Variants in PKIB observed in about 807,000 individuals in gnomAD.
PKIB encodes the protein PKI-beta.
In PKIB, 2 loss-of-function variants were observed where a neutral mutation model predicts 4.5. The ratio of observed to expected loss-of-function variants is 0.44; its 90% CI spans 0.18 to 1.39. The LOEUF (loss-of-function observed/expected upper bound fraction) is 1.39. PKIB is among the 40% of genes most tolerant of loss of function. The pLI, the probability that PKIB is intolerant of heterozygous loss-of-function variation, is 0.27. For synonymous variants in PKIB, 38 were observed against 36.0 expected (o/e 1.06, Z -0.20); for missense variants, 94 against 92.6 (o/e 1.02, Z -0.06).
chr6:122,504,586 G>A (rs1273621786), intron 2 of PKIB, among the ~76,000 whole-genome samples: 1 of 152,134 alleles, frequency 6.6e-6, no homozygotes, highest in Non-Finnish European at 1.5e-5. Context: ...ATCCCTGGAT[G>A]CTCAGAGATA....
chr6:122,725,464 T>A lies in PKIB; in HGVS notation c.*269T>A. 3.1e-6 allele frequency: 1 copy of A among 321,886 alleles called. No homozygotes were observed. Among genetic ancestry groups the A allele is most frequent in the Non-Finnish European group, 5.7e-6 (1 of 174,308 alleles). 19.9% of individuals were successfully genotyped at this position (321,886 alleles called of 1,614,324 possible). A position where few individuals can be genotyped will look rare whatever the true frequency, so the allele number is the denominator to read the frequency against. Reference sequence around the variant, plus strand: ...GATCACAGAAATGCATACCACTGTCTGTAAACCCAACAAAATTCACTGTTC... The same window carrying A: ...GATCACAGAAATGCATACCACTGTCAGTAAACCCAACAAAATTCACTGTTC... On this transcript the variant is annotated 3_prime_UTR_variant, in exon 5 of 5. Coordinates refer to ENST00000368452, the MANE Select transcript of PKIB (RefSeq NM_181795.3).
chr6:122,604,166 A>G (rs1774457781), intron 3 of PKIB, among the ~76,000 whole-genome samples: 1 of 152,198 alleles, frequency 6.6e-6, no homozygotes, highest in Non-Finnish European at 1.5e-5. Context: ...AGAAAATACC[A>G]ATTTTGGAAT....
intron 1 of PKIB, among the ~76,000 whole-genome samples, chr6:122,619,154 T>G (rs933809572): frequency 4.4e-4 from 40 of 91,242 alleles, no homozygotes; most frequent in African/African-American, 1.3e-3. Context: ...TTACAAATTT[T>G]AAATGTTTTC....
chr6:122,543,217 C>T (rs902220482), intron 2 of PKIB, among the ~76,000 whole-genome samples: 42 of 152,040 alleles, frequency 2.8e-4, no homozygotes, highest in African/African-American at 9.9e-4. Flanking sequence ...TGTGCTGCAC[C>T]CACTGTCTGG....
Position 122,553,481 on chromosome 6 carries a change from C to CTTTTTTTTTTTTTTTTTTTTTTTTTTTT in PKIB, c.-247-32418_-247-32417insTTTTTTTTTTTTTTTTTTTTTTTTTTTT, listed in dbSNP as rs533553939. Among the ~76,000 whole-genome samples, 11 of 65,818 alleles carry CTTTTTTTTTTTTTTTTTTTTTTTTTTTT rather than the reference C, an allele frequency of 1.7e-4. 3 individuals are homozygous for CTTTTTTTTTTTTTTTTTTTTTTTTTTTT. The highest frequency in any genetic ancestry group is 1.8e-4 in the African/African-American group (3 of 16,954). The allele number at this position is 65,818 out of a possible 152,430, so 43.2% of individuals were successfully genotyped here. A position where few individuals can be genotyped will look rare whatever the true frequency, so the allele number is the denominator to read the frequency against. On this transcript the variant is annotated intron_variant, in intron 2 of 6. Transcript: ENST00000392491. ...TCTCTCAAGATTGCTCAAATATCTT[C>CTTTTTTTTTTTTTTTTTTTTTTTTTTTT]TTTTTTTTTTTTTTTTTTTTTTCTG...
intron 3 of PKIB, chr6:122,701,530 G>A: frequency 6.3e-7 from 1 of 1,588,686 alleles, no homozygotes. Context: ...TCTTCTTGGG[G>A]ACAAGAGCAT....
At chr6:122,576,710 A>ATTTTTTT (rs761840714) in intron 2 of PKIB, among the ~76,000 whole-genome samples, 81 of 109,950 alleles carry the variant, frequency 7.4e-4, no homozygotes, top group Middle Eastern at 4.6e-3. Context: ...ATATATATAT[A>ATTTTTTT]TTTTCTTTTG....
chr6:122,647,004 A>C (rs77637013), intron 2 of PKIB, among the ~76,000 whole-genome samples: 3,214 of 152,192 alleles, frequency 0.021, 102 homozygotes, highest in African/African-American at 0.075. Flanking sequence ...ATGCCCTCAC[A>C]ATCTATATGC....
At chr6:122,674,760 T>C (rs1777605283) in intron 2 of PKIB, among the ~76,000 whole-genome samples, 1 of 152,218 alleles carries the variant, frequency 6.6e-6, no homozygotes, top group Non-Finnish European at 1.5e-5. Context: ...ATATTTCCTG[T>C]AATGATCAGT....
At chr6:122,505,780 CAG>C (rs1776378006) in intron 2 of PKIB, among the ~76,000 whole-genome samples, 1 of 151,958 alleles carries the variant, frequency 6.6e-6, no homozygotes. Flanking sequence ...ATGTAGAAAT[CAG>C]AAGTATTTTA....
intron 2 of PKIB, among the ~76,000 whole-genome samples, chr6:122,559,834 T>C (rs1234220845): frequency 2.6e-5 from 4 of 152,184 alleles, no homozygotes. Flanking sequence ...TTGATTTGAT[T>C]CTCCATTTGG....
At position 122,544,230 on chromosome 6, in the gene PKIB, A is replaced by G. The variant is rs79667497; in HGVS notation, c.-247-41691A>G. Among the ~76,000 whole-genome samples, 362 of 152,110 alleles carry G rather than the reference A, an allele frequency of 2.4e-3. 9 individuals carry two copies. Among genetic ancestry groups the G allele is most frequent in the African/African-American group, 8.2e-3 (341 of 41,452 alleles). ...ATCATCAATAATAGATTAAACATTG[A>G]AATTTAAACTAGATATTAAAGCATT... On this transcript the variant is annotated intron_variant, in intron 2 of 6. Transcript: ENST00000392491.
intron 3 of PKIB, chr6:122,701,223 T>C (rs1442428107): frequency 2.2e-6 from 1 of 464,014 alleles, no homozygotes; most frequent in Non-Finnish European, 3.9e-6. Context: ...TGGTTCTCCA[T>C]GGTGTGGCCA....
chr6:122,691,473 A>T (rs1778354281), intron 3 of PKIB, among the ~76,000 whole-genome samples: 1 of 151,552 alleles, frequency 6.6e-6, no homozygotes, highest in Non-Finnish European at 1.5e-5. Context: ...CTATTAAGAG[A>T]CTCTGATGCC....
chr6:122,526,297 T>C (rs9372703), intron 2 of PKIB, among the ~76,000 whole-genome samples: 21,120 of 152,220 alleles, frequency 0.14, 1,578 homozygotes, highest in East Asian at 0.26. Context: ...ACTCTTCCCG[T>C]GAATTACAAA....
intron 2 of PKIB, among the ~76,000 whole-genome samples, chr6:122,510,210 C>T (rs940384768): frequency 6.6e-6 from 1 of 151,880 alleles, no homozygotes; most frequent in Non-Finnish European, 1.5e-5. Context: ...CTAAGCAATC[C>T]AGTGTTTGTA....
At chr6:122,571,440 C>T (rs1005511886) in intron 2 of PKIB, among the ~76,000 whole-genome samples, 5 of 152,248 alleles carry the variant, frequency 3.3e-5, no homozygotes, top group East Asian at 3.9e-4. Context: ...CACCAAAGCA[C>T]GTAGTCATTA....
intron 2 of PKIB, among the ~76,000 whole-genome samples, chr6:122,571,658 G>C (rs1235550402): frequency 6.6e-6 from 1 of 152,174 alleles, no homozygotes; most frequent in East Asian, 1.9e-4. Flanking sequence ...CATAAATGGA[G>C]AGATAAAGTA....
chr6:122,540,654 T>C (rs1027620346), intron 2 of PKIB, among the ~76,000 whole-genome samples: 1 of 152,058 alleles, frequency 6.6e-6, no homozygotes, highest in African/African-American at 2.4e-5. Context: ...AAATGTATAT[T>C]CTGTTGATTT....
Sources: gnomAD v4.1 joint callset for allele counts (sites outside exome capture counted in the v4.1 genomes callset) on GRCh38, gnomAD v4.1.1 for gene constraint, MANE v1.5 for transcripts, NCBI Gene and HGNC (gene_info 2026-07-23, HGNC 2026-07-21) for gene names.